The following ZNF716 variants were observed in gnomAD, a reference collection of about 807,000 sequenced individuals.
The protein encoded by ZNF716 is zinc finger protein 716.
In ZNF716, 9 loss-of-function variants were observed where a neutral mutation model predicts 13.4. The observed-to-expected ratio is 0.67, with a 90% CI of 0.41 to 1.18. The LOEUF is 1.18. Among genes scored for constraint, ZNF716 ranks in the 50% most tolerant of loss-of-function variants. The pLI is 0.01. For synonymous variants in ZNF716, 186 were observed against 195.2 expected (o/e 0.95, Z 0.39); for missense variants, 581 against 576.6 (o/e 1.01, Z -0.08).
At chr7:57,462,139 C>T (rs1554323195) in intron 1 of ZNF716, among the ~76,000 whole-genome samples, 10 of 147,486 alleles carry the variant, frequency 6.8e-5, no homozygotes. Flanking sequence ...CCAGCCTGGG[C>T]AACAGAGTGA....
At chr7:57,459,782 G>T (rs1312565647) in intron 1 of ZNF716, among the ~76,000 whole-genome samples, 3 of 152,174 alleles carry the variant, frequency 2.0e-5, no homozygotes, top group Non-Finnish European at 4.4e-5. Context: ...AACATTGCTG[G>T]TGTCTGATAG....
In ZNF716 at chr7:57,466,631, T is replaced by A. The variant is rs150510716; in HGVS notation, c.263-2093T>A. The stretch of plus-strand genomic sequence containing the variant: ...CTCACCAGAAGCAGATGCTGGCATA[T>A]ACTTCTTGTATACTCTACTGAACAG... On this transcript the variant is annotated intron_variant, in intron 3 of 3. Coordinates refer to ENST00000420713, the MANE Select transcript of ZNF716 (RefSeq NM_001159279.1). Among the ~76,000 whole-genome samples the A allele has an allele frequency of 7.2e-5, 11 of 152,298 alleles. No homozygotes were observed. The Middle Eastern group carries it at 0.01, about 141-fold the overall frequency.
rs1789987538 is a variant in ZNF716, at chr7:57,473,543, AG to A, written c.*3595del. ...TCAAAAAAAAAAATAAATAAATAAA[AG>A]ATATACCTTAAGCATAAGAAAGTTA... is the stretch of plus-strand genomic sequence containing the variant. On this transcript the variant is annotated 3_prime_UTR_variant, in exon 4 of 4. Coordinates refer to ENST00000420713, the MANE Select transcript of ZNF716 (RefSeq NM_001159279.1). 1 of 152,004 alleles carries A rather than the reference AG, an allele frequency of 6.6e-6. No individual in the cohort carries two copies. Among genetic ancestry groups the A allele is most frequent in the Non-Finnish European group, 1.5e-5 (1 of 67,988 alleles). The allele number at this position is 152,004 out of a possible 1,614,324, so 9.4% of individuals were successfully genotyped here. A position where few individuals can be genotyped will look rare whatever the true frequency, so the allele number is the denominator to read the frequency against.
intron 1 of ZNF716, among the ~76,000 whole-genome samples, chr7:57,457,383 C>CA (rs1476704387): frequency 6.6e-6 from 1 of 152,182 alleles, no homozygotes; most frequent in East Asian, 1.9e-4. Flanking sequence ...CTTGCTCTGT[C>CA]ACCCAGGCTG....
At chr7:57,454,912 G>A (rs1371854468) in intron 1 of ZNF716, among the ~76,000 whole-genome samples, 5 of 151,980 alleles carry the variant, frequency 3.3e-5, no homozygotes, top group African/African-American at 2.4e-5. Context: ...TATAGTCCCA[G>A]CTACTTGGGA....
intron 1 of ZNF716, among the ~76,000 whole-genome samples, chr7:57,461,734 A>G (rs1168779656): frequency 1.3e-5 from 2 of 152,196 alleles, no homozygotes; most frequent in Non-Finnish European, 2.9e-5. Context: ...ATCTCCTGAA[A>G]CAAAATCTGT....
rs782654222 is a variant in ZNF716 at position 57,469,466 on chromosome 7, A to G, written c.1005A>G (p.Leu335=). The change falls in exon 4 of 4, where the codon TTA becomes TTG. Residue 335 remains leucine (L), a synonymous_variant. Coordinates refer to ENST00000420713, the MANE Select transcript of ZNF716 (RefSeq NM_001159279.1). ...KCEECGKAFS[L]SSTLKKHKIV... is the part of the protein sequence containing the mutation. ...AAGAATGTGGCAAAGCCTTTAGCTT[A>G]TCCTCAACCCTTAAGAAACATAAGA... The G allele has an allele frequency of 6.2e-6, 10 of 1,612,674 alleles. No homozygotes were observed. In the East Asian group the frequency reaches 2.2e-4, roughly 36 times the overall value.
rs1789956251 is a variant in ZNF716 at position 57,472,243 on chromosome 7, T to C, written c.*2294T>C. On this transcript the variant is annotated 3_prime_UTR_variant, in exon 4 of 4. Transcript: ENST00000420713. ...TTCAGAGTAATATTCTAAATTCTAG[T>C]GAGGAAAACCTTTGAACGTCAGTAG... 6.6e-6 allele frequency: 1 copy of C among 152,204 alleles called. No homozygotes were observed. The highest frequency in any genetic ancestry group is 2.4e-5 in the African/African-American group (1 of 41,438). 9.4% of individuals were successfully genotyped at this position (152,204 alleles called of 1,614,324 possible).
chr7:57,460,361 C>T (rs1347378004), intron 1 of ZNF716, among the ~76,000 whole-genome samples: 5 of 145,462 alleles, frequency 3.4e-5, no homozygotes, highest in Non-Finnish European at 6.0e-5. Flanking sequence ...CACCACCGCA[C>T]TCCAGCCTGG....
chr7:57,469,327 T>G lies in ZNF716; in HGVS notation c.866T>G (p.Ile289Ser), dbSNP rs782793794. The G allele has an allele frequency of 4.4e-6, 7 of 1,608,706 alleles. No individual in the cohort carries two copies. In the African/African-American group the frequency reaches 8.0e-5, roughly 18 times the overall value. Residue 289 changes from isoleucine (I) to serine (S), a missense_variant, in exon 4 of 4, where the codon ATT becomes AGT. Coordinates refer to ENST00000420713, the MANE Select transcript of ZNF716 (RefSeq NM_001159279.1). ...SRSTLTNYKR[I>S]HTGEKPYTCE... ...TCAACACTTACTAACTACAAGAGAA[T>G]TCATACTGGAGAGAAACCCTACACA...
intron 3 of ZNF716, among the ~76,000 whole-genome samples, chr7:57,466,150 C>T (rs1554324068): frequency 6.6e-6 from 1 of 151,826 alleles, no homozygotes. Context: ...CTAACCTGCA[C>T]ATTGTGCACA....
Position 57,468,917 on chromosome 7 carries a change from C to G in ZNF716, c.456C>G (p.Thr152=), listed in dbSNP as rs1454091527. ...YNYVNQCLSA[T]QNKTFQTHKC... is the part of the protein sequence containing the mutation. ...ATGTTAACCAATGTTTGTCAGCTACCCAAAACAAAACATTTCAGACTCATA... is the reference window on the plus strand; with the variant it reads ...ATGTTAACCAATGTTTGTCAGCTACGCAAAACAAAACATTTCAGACTCATA... Residue 152 remains threonine (T), a synonymous_variant, in exon 4 of 4, where the codon ACC becomes ACG. Coordinates refer to ENST00000420713, the MANE Select transcript of ZNF716 (RefSeq NM_001159279.1). The G allele has an allele frequency of 6.2e-7, 1 of 1,612,326 alleles. No homozygotes were observed. The highest frequency in any genetic ancestry group is 1.1e-5 in the South Asian group (1 of 91,016).
intron 1 of ZNF716, among the ~76,000 whole-genome samples, chr7:57,456,399 TC>T (rs1457338162): frequency 9.2e-5 from 14 of 152,050 alleles, no homozygotes; most frequent in Admixed American, 2.6e-4. Context: ...CATAGATGGG[TC>T]CCTGGGATTT....
rs545727265 is a variant in ZNF716 at position 57,450,628 on chromosome 7, A to G, written c.39+301A>G. ...CACCCAGACTGTGCAGGGATGGGAA[A>G]GTCATCAGGGAAGAATCCAGACTTA... On this transcript the variant is annotated intron_variant, in intron 1 of 3. Coordinates refer to ENST00000420713, the MANE Select transcript of ZNF716 (RefSeq NM_001159279.1). Among the ~76,000 whole-genome samples the G allele has an allele frequency of 4.6e-5, 7 of 152,290 alleles. No homozygotes were observed. The South Asian group carries it at 1.5e-3, about 32-fold the overall frequency.
Position 57,469,566 on chromosome 7 carries a change from A to G in ZNF716, c.1105A>G (p.Thr369Ala). 2 of 1,612,276 alleles carry G rather than the reference A, an allele frequency of 1.2e-6. No individual in the cohort carries two copies. The highest frequency in any genetic ancestry group is 1.7e-6 in the Non-Finnish European group (2 of 1,179,210). ...CTTTACCTTCTCCTCAACTCTAAATACTCATAAGAGGATTCATACTGGAGA... is the reference window on the plus strand; with the variant it reads ...CTTTACCTTCTCCTCAACTCTAAATGCTCATAAGAGGATTCATACTGGAGA... ...KAFTFSSTLN[T>A]HKRIHTGEKP... Residue 369 changes from threonine (T) to alanine (A), a missense_variant, in exon 4 of 4, where the codon ACT becomes GCT. Thr to Ala is a moderately conservative substitution (Grantham distance 58). Coordinates refer to ENST00000420713, the MANE Select transcript of ZNF716 (RefSeq NM_001159279.1).
At position 57,469,894 on chromosome 7, in the gene ZNF716, G is replaced by C; in HGVS notation, c.1433G>C (p.Ser478Thr). The C allele has an allele frequency of 1.9e-6, 3 of 1,589,008 alleles. No homozygotes were observed. Among genetic ancestry groups the C allele is most frequent in the Non-Finnish European group, 2.6e-6 (3 of 1,166,700 alleles). Residue 478 changes from serine (S) to threonine (T), a missense_variant, in exon 4 of 4, where the codon AGT (serine) becomes ACT (threonine). Ser to Thr is a moderately conservative substitution (Grantham distance 58). Coordinates refer to ENST00000420713, the MANE Select transcript of ZNF716 (RefSeq NM_001159279.1). Reference protein sequence around the residue: ...ECDQTFKWHSSLANHKNMHTG... With the variant: ...ECDQTFKWHSTLANHKNMHTG... ...GACCAAACTTTTAAGTGGCATTCAA[G>C]TCTTGCTAATCATAAGAATATGCAT...
chr7:57,452,964 C>T (rs1789524912), intron 1 of ZNF716, among the ~76,000 whole-genome samples: 1 of 152,016 alleles, frequency 6.6e-6, no homozygotes, highest in Non-Finnish European at 1.5e-5. Flanking sequence ...AAATGGATGC[C>T]TGGGGCTGAG....
intron 2 of ZNF716, 82 bp downstream of exon 2, chr7:57,462,668 A>C (rs2116416354): frequency 6.9e-7 from 1 of 1,450,878 alleles, no homozygotes. Flanking sequence ...TCTGCTTTGC[A>C]TGAATGAATT....
chr7:57,451,040 G>A lies in ZNF716; in HGVS notation c.39+713G>A, dbSNP rs76541619. On this transcript the variant is annotated intron_variant, in intron 1 of 3. Transcript: ENST00000420713. ...CCAAGAAATGCATTTTTTTTTTTTT[G>A]AGAGGGAGTCTCGCTCTGTTGCCCA... Among the ~76,000 whole-genome samples the A allele has an allele frequency of 2.9e-4, 39 of 132,640 alleles. 1 individual carries two copies. Among genetic ancestry groups the A allele is most frequent in the African/African-American group, 1.1e-3 (38 of 33,422 alleles). 87.0% of individuals were successfully genotyped at this position (132,640 alleles called of 152,430 possible).
Sources: gnomAD v4.1 joint callset for allele counts (sites outside exome capture counted in the v4.1 genomes callset) on GRCh38, gnomAD v4.1.1 for gene constraint, MANE v1.5 for transcripts, NCBI Gene and HGNC (gene_info 2026-07-23, HGNC 2026-07-21) for gene names.